ENTPD1: variants seen among roughly 807,000 people sequenced by gnomAD.
The protein encoded by ENTPD1 is ectonucleoside triphosphate diphosphohydrolase 1, also known as ATP diphosphohydrolase.
In ENTPD1, 33 loss-of-function variants were observed where a neutral mutation model predicts 57.0. That is an observed-to-expected ratio of 0.58 (90% CI 0.44 to 0.77). The LOEUF is 0.77. Ranked by LOEUF, ENTPD1 falls within the 30% of genes least tolerant of loss-of-function variation. The probability of loss-of-function intolerance (pLI) is 0.00; values close to 1 mark genes in which losing one functional copy is unlikely to be tolerated. For missense variants in ENTPD1, 501 were observed against 603.4 expected (o/e 0.83, Z 1.78); for synonymous variants, 202 against 218.8 (o/e 0.92, Z 0.68).
chr10:95,708,985 CTT>C (rs1271544116), upstream of ENTPD1, among the ~76,000 whole-genome samples: 1 of 152,174 alleles, frequency 6.6e-6, no homozygotes, highest in Non-Finnish European at 1.5e-5. Flanking sequence ...TTTTTAAAAA[CTT>C]AACTGAGTAC....
rs959721710 is a variant in ENTPD1, at chr10:95,870,087, T to G, written c.*3704T>G. 3 of 985,316 alleles carry G rather than the reference T, an allele frequency of 3.0e-6. No individual in the cohort carries two copies. The highest frequency in any genetic ancestry group is 6.1e-5 in the Admixed American group (1 of 16,266). The allele number at this position is 985,316 out of a possible 1,614,324, so 61.0% of individuals were successfully genotyped here. On this transcript the variant is annotated 3_prime_UTR_variant, in exon 10 of 10. Transcript: ENST00000371205. ...TGCTATTATTTATTATATATGACAT[T>G]ATTCCTAAAAAAGCTTTTGAGATCC...
intron 1 of ENTPD1, among the ~76,000 whole-genome samples, chr10:95,803,674 A>G (rs556379397): frequency 1.3e-5 from 2 of 152,240 alleles, no homozygotes; most frequent in South Asian, 4.1e-4. Flanking sequence ...CTCTGATGGT[A>G]GTTTCTTTTG....
At chr10:95,829,588 T>G (rs1457177610) in intron 2 of ENTPD1, among the ~76,000 whole-genome samples, 1 of 152,168 alleles carries the variant, frequency 6.6e-6, no homozygotes, top group East Asian at 1.9e-4. Flanking sequence ...CTCCTGATTT[T>G]TGTGGAGGTG....
At chr10:95,783,159 T>C (rs2098164664) in intron 1 of ENTPD1, among the ~76,000 whole-genome samples, 2 of 152,180 alleles carry the variant, frequency 1.3e-5, no homozygotes, top group African/African-American at 4.8e-5. Flanking sequence ...TGTAGTTTTA[T>C]GAGTAGCATT....
At chr10:95,864,615 C>A in intron 8 of ENTPD1, 109 bp from the exon 9 acceptor site, 1 of 1,465,002 alleles carries the variant, frequency 6.8e-7, no homozygotes, top group Non-Finnish European at 9.5e-7. Context: ...CCTTCAGGTG[C>A]ACTGGAGCTG....
chr10:95,850,570 A>G (rs2098443277), intron 7 of ENTPD1, among the ~76,000 whole-genome samples: 1 of 152,194 alleles, frequency 6.6e-6, no homozygotes, highest in Non-Finnish European at 1.5e-5. Flanking sequence ...GTTCTACCAC[A>G]GCCTATTTCA....
intron 3 of ENTPD1, among the ~76,000 whole-genome samples, chr10:95,841,342 G>A (rs1301600323): frequency 6.6e-5 from 10 of 151,964 alleles, no homozygotes; most frequent in Non-Finnish European, 1.0e-4. Context: ...AGCCGAGATC[G>A]CGCCACTACA....
Position 95,847,729 on chromosome 10 carries a change from T to C in ENTPD1, c.1074+23T>C, listed in dbSNP as rs749839251. On this transcript the variant is annotated intron_variant, in intron 7 of 9. Coordinates refer to ENST00000371205, the MANE Select transcript of ENTPD1 (RefSeq NM_001776.6). ...GGGGTAAGTTTGTGAAATGATGAGG[T>C]ATAGGATGTCTTGTTTACAAGTTAT... 8.1e-6 allele frequency: 13 copies of C among 1,614,072 alleles called. No homozygotes were observed. The South Asian group carries it at 9.9e-5, about 12-fold the overall frequency.
chr10:95,802,301 T>G (rs1300983007), intron 1 of ENTPD1, among the ~76,000 whole-genome samples: 1 of 152,196 alleles, frequency 6.6e-6, no homozygotes, highest in Non-Finnish European at 1.5e-5. Context: ...GATAAATGAT[T>G]GTGGAGACCA....
intron 1 of ENTPD1, among the ~76,000 whole-genome samples, chr10:95,789,158 T>C (rs1298522057): frequency 6.6e-6 from 1 of 152,178 alleles, no homozygotes; most frequent in Non-Finnish European, 1.5e-5. Flanking sequence ...AAGTAAAACA[T>C]ACACAATTAA....
chr10:95,709,282 T>C (rs762369919), upstream of ENTPD1, among the ~76,000 whole-genome samples: 3 of 152,236 alleles, frequency 2.0e-5, no homozygotes, highest in Non-Finnish European at 4.4e-5. Context: ...TTTTAATGCA[T>C]GTGTAGTTTC....
intron 7 of ENTPD1, among the ~76,000 whole-genome samples, chr10:95,855,113 G>T (rs1031521103): frequency 6.6e-6 from 1 of 152,106 alleles, no homozygotes; most frequent in African/African-American, 2.4e-5. Flanking sequence ...TTATGAATTT[G>T]GGTGCTCCTG....
chr10:95,789,640 T>C lies in ENTPD1; in HGVS notation c.16+33385T>C, dbSNP rs1358904979. ...AGGTAAAAGGTATGTCATGAATGCA[T>C]AAAATATATGTAGATATTAATCTAT... On this transcript the variant is annotated intron_variant, in intron 1 of 9. Coordinates refer to ENST00000371205, the MANE Select transcript of ENTPD1 (RefSeq NM_001776.6). 3.9e-5 allele frequency among the ~76,000 whole-genome samples: 6 copies of C among 152,278 alleles called. No homozygotes were observed. The East Asian group carries it at 1.2e-3, about 29-fold the overall frequency.
the ENTPD1 span, among the ~76,000 whole-genome samples, chr10:95,697,402 G>A: frequency 4.6e-5 from 7 of 152,252 alleles, no homozygotes; most frequent in Non-Finnish European, 7.4e-5. Context: ...GGCCCCACAC[G>A]TTGAGACTGG....
chr10:95,846,658 C>A (rs2098436268), intron 6 of ENTPD1, among the ~76,000 whole-genome samples: 1 of 152,150 alleles, frequency 6.6e-6, no homozygotes, highest in Non-Finnish European at 1.5e-5. Flanking sequence ...TCCACAGCAG[C>A]CTCCTTTCTT....
At chr10:95,774,635 G>A (rs2098127063) in intron 1 of ENTPD1, among the ~76,000 whole-genome samples, 2 of 152,142 alleles carry the variant, frequency 1.3e-5, no homozygotes, top group African/African-American at 4.8e-5. Flanking sequence ...AAGATCAGAT[G>A]GTTGTAGATG....
intron 1 of ENTPD1, among the ~76,000 whole-genome samples, chr10:95,745,463 A>G (rs781116386): frequency 3.3e-5 from 5 of 152,182 alleles, no homozygotes; most frequent in Non-Finnish European, 5.9e-5. Context: ...TACAGGTTTG[A>G]GCCACTGCAC....
chr10:95,860,181 C>T (rs1329176250), intron 7 of ENTPD1, among the ~76,000 whole-genome samples: 4 of 151,882 alleles, frequency 2.6e-5, no homozygotes, highest in Non-Finnish European at 5.9e-5. Flanking sequence ...TTTTTGCAAC[C>T]CCTTTCTCTC....
chr10:95,763,525 T>C (rs1167952219), intron 1 of ENTPD1, among the ~76,000 whole-genome samples: 2 of 152,254 alleles, frequency 1.3e-5, no homozygotes. Flanking sequence ...TTTTAGGATA[T>C]AAAATTGGAT....
Sources: gnomAD v4.1 joint callset for allele counts (sites outside exome capture counted in the v4.1 genomes callset) on GRCh38, gnomAD v4.1.1 for gene constraint, MANE v1.5 for transcripts, NCBI Gene and HGNC (gene_info 2026-07-23, HGNC 2026-07-21) for gene names.